The following ERMAP variants were observed in gnomAD, a reference collection of about 807,000 sequenced individuals.
The protein encoded by ERMAP is erythroblast membrane associated protein (Scianna blood group), also known as erythroid membrane-associated protein.
A neutral mutation model predicts 49.5 loss-of-function variants in ERMAP; 34 were observed. That is an observed-to-expected ratio of 0.69 (90% confidence interval 0.52 to 0.91). The LOEUF (loss-of-function observed/expected upper bound fraction) is 0.91, where lower values mean the gene tolerates loss of function less well. Ranked by LOEUF, ERMAP falls within the 40% of genes least tolerant of loss-of-function variation. The pLI, the probability that ERMAP is intolerant of heterozygous loss-of-function variation, is 0.00. For missense variants in ERMAP, 541 were observed against 582.6 expected (o/e 0.93, Z 0.74); for synonymous variants, 214 against 232.2 (o/e 0.92, Z 0.71).
Position 42,819,727 on chromosome 1 carries a change from G to A in ERMAP, c.-122+2474G>A, listed in dbSNP as rs747006534. Among the ~76,000 whole-genome samples, 14 of 151,166 alleles carry A rather than the reference G, an allele frequency of 9.3e-5. No individual in the cohort carries two copies. Among genetic ancestry groups the A allele is most frequent in the Admixed American group, 2.6e-4 (4 of 15,196 alleles). ...CTCCCGCTTCAGCCCCTCAGTGGCTGGTACTACAGATGTGAACCAGGTCAT... is the reference window on the plus strand; with the variant it reads ...CTCCCGCTTCAGCCCCTCAGTGGCTAGTACTACAGATGTGAACCAGGTCAT... On this transcript the variant is annotated intron_variant, in intron 1 of 11. Transcript: ENST00000372517. This position sits in a 1 kb window ranked among gnomAD's most constrained non-coding sequence, Gnocchi z 5.1.
At chr1:42,835,233 A>G (rs1170035863) in intron 5 of ERMAP, 79 bp downstream of exon 5, 1 of 774,232 alleles carries the variant, frequency 1.3e-6, no homozygotes. Context: ...ACGGAAGTAG[A>G]TGTAGACCTG....
chr1:42,825,126 G>A (rs940120207), intron 1 of ERMAP, among the ~76,000 whole-genome samples: 7 of 152,322 alleles, frequency 4.6e-5, no homozygotes, highest in Non-Finnish European at 1.0e-4. Context: ...TGGAGATTAT[G>A]AACATACAGC....
chr1:42,839,946 C>G (rs571787831), intron 8 of ERMAP, 87 bp from the exon 9 acceptor site: 2 of 1,329,828 alleles, frequency 1.5e-6, no homozygotes, highest in Admixed American at 1.9e-5. Flanking sequence ...TCTGTCTGCT[C>G]ATGGTTGGGA....
intron 7 of ERMAP, among the ~76,000 whole-genome samples, chr1:42,838,458 T>A (rs984770408): frequency 5.3e-5 from 8 of 152,180 alleles, no homozygotes; most frequent in Admixed American, 2.6e-4. Flanking sequence ...GGACCTCCAA[T>A]TTGTGAAATT....
chr1:42,834,436 T>C (rs936487495), intron 4 of ERMAP, among the ~76,000 whole-genome samples: 1 of 152,198 alleles, frequency 6.6e-6, no homozygotes, highest in African/African-American at 2.4e-5. Flanking sequence ...GGGCTTATTT[T>C]TCCATTGAAT....
chr1:42,830,143 C>T (rs1001685252), intron 2 of ERMAP: 15 of 385,554 alleles, frequency 3.9e-5, no homozygotes, highest in African/African-American at 2.9e-4. Context: ...GACATCCTCA[C>T]TCACGGCATT....
chr1:42,840,438 T>TA (rs1051164097), intron 11 of ERMAP, 142 bp downstream of exon 11: 14 of 970,260 alleles, frequency 1.4e-5, no homozygotes, highest in African/African-American at 5.0e-5. Flanking sequence ...ACTATCAAAT[T>TA]AAAAAAATCT....
At chr1:42,835,581 G>A in intron 5 of ERMAP, 151 bp from the exon 6 acceptor site, 1 of 995,948 alleles carries the variant, frequency 1.0e-6, no homozygotes, top group South Asian at 1.6e-5. Context: ...TTATCTGATG[G>A]TTTGAAGACT....
At chr1:42,835,363 G>A (rs556341318) in intron 5 of ERMAP, among the ~76,000 whole-genome samples, 115 of 152,244 alleles carry the variant, frequency 7.6e-4, no homozygotes, top group Non-Finnish European at 8.1e-4. Flanking sequence ...CCTGGGCAGA[G>A]CTGTAAATTC....
At chr1:42,837,980 G>A (rs1400190999) in intron 7 of ERMAP, 1 of 152,208 alleles carries the variant, frequency 6.6e-6, no homozygotes, top group African/African-American at 2.4e-5. Context: ...TAAGGGAGAG[G>A]GCCTCTAACT....
chr1:42,835,108 C>A lies in ERMAP; in HGVS notation c.504C>A (p.Leu168=). Residue 168 remains leucine (L), a synonymous_variant, in exon 5 of 12, where the codon CTC becomes CTA. Transcript: ENST00000372517. The stretch of plus-strand genomic sequence containing the variant: ...TGATCCTGCCTGTCCTGGTACTTCT[C>A]ATCATGGTGTGCCTTTGCCTTATCT... The part of the protein sequence containing the change: ...LAVILPVLVL[L]IMVCLCLIWK... 6.3e-7 allele frequency: 1 copy of A among 1,580,074 alleles called. No homozygotes were observed. The highest frequency in any genetic ancestry group is 1.1e-5 in the South Asian group (1 of 90,358).
rs1374915301 is a variant in ERMAP at position 42,817,315 on chromosome 1, G to T, written c.-122+62G>T. ...CTGCCTGCCCACCGCCCCTCGTCCT[G>T]GGCGGGGCCGCGCGCCGGGGGGAGG... is the stretch of plus-strand genomic sequence containing the variant. On this transcript the variant is annotated intron_variant, in intron 1 of 11. Transcript: ENST00000372517. 3 of 1,151,288 alleles carry T rather than the reference G, an allele frequency of 2.6e-6. No individual in the cohort carries two copies. In the East Asian group the frequency reaches 2.9e-4, roughly 111 times the overall value. The allele number at this position is 1,151,288 out of a possible 1,614,324, so 71.3% of individuals were successfully genotyped here.
chr1:42,839,518 G>C (rs1654998087), intron 8 of ERMAP: 2 of 170,626 alleles, frequency 1.2e-5, no homozygotes, highest in Admixed American at 1.1e-4. Context: ...GCTGGGGCAG[G>C]AGAATCGCTT....
chr1:42,840,044 A>G lies in ERMAP; in HGVS notation c.649A>G (p.Ser217Gly). ...TTTTCATTCTTTAGAGAAACTCCGG[A>G]GTGAACTGAGTAAGTTTCCCATGTT... The part of the protein sequence containing the change: ...KLHKAVKKLR[S>G]ELKLKRAAAN... The change falls in exon 9 of 12, where the codon AGT becomes GGT. Residue 217 changes from serine to glycine, a missense_variant. Physicochemically the swap from Ser to Gly is moderately conservative, Grantham distance 56 (BLOSUM62 0). Coordinates refer to ENST00000372517, the MANE Select transcript of ERMAP (RefSeq NM_001017922.2). 1.2e-6 allele frequency: 2 copies of G among 1,614,150 alleles called. No homozygotes were observed. The highest frequency in any genetic ancestry group is 1.7e-6 in the Non-Finnish European group (2 of 1,180,012).
intron 1 of ERMAP, among the ~76,000 whole-genome samples, chr1:42,820,871 T>A (rs1055057568): frequency 2.6e-5 from 4 of 152,208 alleles, no homozygotes; most frequent in African/African-American, 9.6e-5. Context: ...CAGCTACCAT[T>A]GAGTATCAGC....
chr1:42,834,761 G>T, intron 4 of ERMAP: 1 of 310,470 alleles, frequency 3.2e-6, no homozygotes, highest in African/African-American at 2.2e-5. Context: ...TCCCCACATT[G>T]GCCAGCTGGT....
chr1:42,833,319 CTTAAA>C (rs1270683872), intron 4 of ERMAP, among the ~76,000 whole-genome samples: 5 of 152,120 alleles, frequency 3.3e-5, no homozygotes, highest in African/African-American at 4.8e-5. Flanking sequence ...CCTATAATAG[CTTAAA>C]TTAGAGAGAA....
intron 6 of ERMAP, 186 bp from the exon 7 acceptor site, chr1:42,836,972 C>T (rs762504702): frequency 1.4e-5 from 8 of 575,254 alleles, no homozygotes; most frequent in Admixed American, 9.3e-5. Context: ...GGGATTAAGA[C>T]AGGATGTGGG....
intron 6 of ERMAP, among the ~76,000 whole-genome samples, chr1:42,836,761 G>A (rs996468358): frequency 2.6e-5 from 4 of 152,038 alleles, no homozygotes; most frequent in African/African-American, 9.7e-5. Flanking sequence ...GAGACAGACA[G>A]GAGAATTGCT....
Sources: allele counts gnomAD v4.1 joint callset (sites outside exome capture counted in the v4.1 genomes callset), GRCh38; gene constraint gnomAD v4.1.1; non-coding constraint Gnocchi (gnomAD v3.1); transcripts MANE v1.5; gene names NCBI Gene and HGNC (gene_info 2026-07-23, HGNC 2026-07-21).